The following SPAG16 variants were observed in gnomAD, a reference collection of about 807,000 sequenced individuals.
SPAG16 encodes sperm-associated antigen 16 protein.
SPAG16 carries 86 observed loss-of-function variants against 80.4 expected under a neutral mutation model. That is an observed-to-expected ratio of 1.07 (90% CI 0.90 to 1.28). The LOEUF is 1.28. Ranked by LOEUF, SPAG16 falls within the 50% of genes most tolerant of loss-of-function variation. The pLI is 0.00. For synonymous variants in SPAG16, 294 were observed against 265.9 expected (o/e 1.11, Z -1.03); for missense variants, 870 against 765.3 (o/e 1.14, Z -1.61).
intron 15 of SPAG16, among the ~76,000 whole-genome samples, chr2:214,205,702 T>C (rs1559127932): frequency 6.6e-6 from 1 of 152,196 alleles, no homozygotes; most frequent in Non-Finnish European, 1.5e-5. Context: ...ATGTCATCAA[T>C]TTGAGGGTAT....
chr2:213,331,626 G>T (rs747005065), intron 5 of SPAG16, among the ~76,000 whole-genome samples: 2 of 152,130 alleles, frequency 1.3e-5, no homozygotes, highest in Non-Finnish European at 2.9e-5. Flanking sequence ...TAGACTATAT[G>T]TTAGGTTACA....
At chr2:213,802,116 T>G (rs1265316200) in intron 10 of SPAG16, among the ~76,000 whole-genome samples, 1 of 152,182 alleles carries the variant, frequency 6.6e-6, no homozygotes, top group Non-Finnish European at 1.5e-5. Context: ...AAGCTTGAGA[T>G]TATACAGTTG....
intron 13 of SPAG16, among the ~76,000 whole-genome samples, chr2:214,071,485 A>C (rs2050785201): frequency 6.6e-6 from 1 of 152,142 alleles, no homozygotes; most frequent in African/African-American, 2.4e-5. Context: ...TATAGGAGAA[A>C]AAGAAAAAAT....
chr2:213,325,362 A>G (rs1490070710), intron 5 of SPAG16, among the ~76,000 whole-genome samples: 1 of 152,022 alleles, frequency 6.6e-6, no homozygotes, highest in African/African-American at 2.4e-5. Flanking sequence ...TTATTTCAAC[A>G]TAGGATCTGT....
At chr2:213,291,511 C>G (rs1403728211) in intron 1 of SPAG16, among the ~76,000 whole-genome samples, 1 of 152,192 alleles carries the variant, frequency 6.6e-6, no homozygotes, top group Non-Finnish European at 1.5e-5. Flanking sequence ...TCCCATCAGT[C>G]TCTTGCCCTT....
intron 13 of SPAG16, among the ~76,000 whole-genome samples, chr2:214,103,322 C>T (rs1183061511): frequency 6.6e-6 from 1 of 152,184 alleles, no homozygotes; most frequent in South Asian, 2.1e-4. Flanking sequence ...GGAGAGGCTT[C>T]TCCTGCCCAG....
chr2:213,672,859 G>GTTTTTTTTTTTTTTT (rs750046794), intron 10 of SPAG16, among the ~76,000 whole-genome samples: 4 of 124,412 alleles, frequency 3.2e-5, no homozygotes, highest in Admixed American at 8.2e-5. Context: ...TATTTTGTTT[G>GTTTTTTTTTTTTTTT]TTTTTTTTTT....
intron 11 of SPAG16, among the ~76,000 whole-genome samples, chr2:213,868,227 A>G (rs1559536884): frequency 1.5e-5 from 2 of 134,676 alleles, no homozygotes; most frequent in Non-Finnish European, 3.2e-5. Flanking sequence ...AACTCATCCT[A>G]TTTTTTTTTA....
chr2:214,275,840 G>T (rs1692423101), intron 15 of SPAG16, among the ~76,000 whole-genome samples: 1 of 152,130 alleles, frequency 6.6e-6, no homozygotes, highest in Non-Finnish European at 1.5e-5. Context: ...TCAAGTCCTG[G>T]ATATCTTTGT....
intron 10 of SPAG16, among the ~76,000 whole-genome samples, chr2:213,635,201 AT>A (rs2062315276): frequency 6.6e-6 from 1 of 151,312 alleles, no homozygotes; most frequent in Non-Finnish European, 1.5e-5. Context: ...TGCCTGGCTA[AT>A]TTTTTTGTAT....
At chr2:213,817,220 A>ATATATATGCTTATATATATATACT (rs1301012151) in intron 10 of SPAG16, among the ~76,000 whole-genome samples, 86 of 146,636 alleles carry the variant, frequency 5.9e-4, no homozygotes, top group Non-Finnish European at 7.8e-4. Flanking sequence ...ATGCATATAT[A>ATATATATGCTTATATATATATACT]TATATATATG....
chr2:213,357,883 A>G (rs2125087660), intron 7 of SPAG16, among the ~76,000 whole-genome samples: 1 of 152,330 alleles, frequency 6.6e-6, no homozygotes, highest in South Asian at 2.1e-4. Flanking sequence ...ATGTTTTTGC[A>G]GTGGCTGGTA....
chr2:214,005,419 C>A (rs79879874), intron 12 of SPAG16, among the ~76,000 whole-genome samples: 1 of 152,228 alleles, frequency 6.6e-6, no homozygotes, highest in East Asian at 1.9e-4. Flanking sequence ...TTTTTATGAC[C>A]ATTTGGGAAC....
At chr2:214,353,747 TCAC>T (rs1698578207) in intron 15 of SPAG16, among the ~76,000 whole-genome samples, 1 of 152,090 alleles carries the variant, frequency 6.6e-6, no homozygotes, top group African/African-American at 2.4e-5. Context: ...CACAAGAAAA[TCAC>T]CATGTTATTT....
At chr2:213,559,274 C>T (rs2059527920) in intron 10 of SPAG16, among the ~76,000 whole-genome samples, 1 of 152,070 alleles carries the variant, frequency 6.6e-6, no homozygotes, top group African/African-American at 2.4e-5. Flanking sequence ...CTCATTTTAA[C>T]TGAGAGATGT....
At chr2:213,462,419 A>G (rs970058750) in intron 9 of SPAG16, among the ~76,000 whole-genome samples, 3 of 152,206 alleles carry the variant, frequency 2.0e-5, no homozygotes, top group African/African-American at 4.8e-5. Context: ...TGGACACAAA[A>G]TAAGTTTTTG....
chr2:213,472,062 A>G (rs1428100034), intron 9 of SPAG16, among the ~76,000 whole-genome samples: 2 of 152,228 alleles, frequency 1.3e-5, no homozygotes, highest in Non-Finnish European at 2.9e-5. Context: ...GGATTTCATC[A>G]GTATAAGACA....
intron 10 of SPAG16, among the ~76,000 whole-genome samples, chr2:213,650,161 G>T (rs1043592179): frequency 2.0e-5 from 3 of 152,122 alleles, no homozygotes; most frequent in African/African-American, 7.2e-5. Context: ...AATATCTTTT[G>T]TAGCCTACCC....
intron 13 of SPAG16, among the ~76,000 whole-genome samples, chr2:214,065,066 TAA>T (rs939990397): frequency 2.6e-5 from 4 of 152,044 alleles, no homozygotes; most frequent in Non-Finnish European, 5.9e-5. Flanking sequence ...AATAAACCTA[TAA>T]AGTTGATATA....
Sources: gnomAD v4.1 joint callset for allele counts (sites outside exome capture counted in the v4.1 genomes callset) on GRCh38, gnomAD v4.1.1 for gene constraint, MANE v1.5 for transcripts, NCBI Gene and HGNC (gene_info 2026-07-23, HGNC 2026-07-21) for gene names.